Variants in WWOX observed in about 807,000 individuals in gnomAD.
The protein encoded by WWOX is WW domain-containing oxidoreductase.
A neutral mutation model predicts 46.2 loss-of-function variants in WWOX; 69 were observed. That is an observed-to-expected ratio of 1.49 (90% CI 1.23 to 1.82). WWOX has a LOEUF of 1.82. WWOX is among the 40% of genes most tolerant of loss of function. The pLI is 0.00. For missense variants in WWOX, 919 were observed against 542.6 expected (o/e 1.69, Z -6.89); for synonymous variants, 359 against 202.6 (o/e 1.77, Z -6.56).
At chr16:79,165,767 T>A (rs928650001) in intron 8 of WWOX, among the ~76,000 whole-genome samples, 2 of 152,206 alleles carry the variant, frequency 1.3e-5, no homozygotes, top group Non-Finnish European at 2.9e-5. Flanking sequence ...AGTCAAAGCA[T>A]TACTTTGTCA....
intron 8 of WWOX, among the ~76,000 whole-genome samples, chr16:78,717,135 A>T (rs968516461): frequency 6.6e-6 from 1 of 152,202 alleles, no homozygotes; most frequent in Non-Finnish European, 1.5e-5. Flanking sequence ...CTGAGAACAG[A>T]GGTGCTCTGT....
chr16:78,126,606 G>A (rs2033372199), intron 4 of WWOX, among the ~76,000 whole-genome samples: 1 of 152,088 alleles, frequency 6.6e-6, no homozygotes, highest in South Asian at 2.1e-4. Context: ...AATTTATAAA[G>A]TGTCTATTAC....
intron 8 of WWOX, among the ~76,000 whole-genome samples, chr16:78,704,233 C>G (rs1348148927): frequency 2.0e-5 from 3 of 152,124 alleles, no homozygotes; most frequent in East Asian, 3.9e-4. Context: ...ACAGTGCAAC[C>G]TACCTTAGCA....
intron 8 of WWOX, among the ~76,000 whole-genome samples, chr16:78,518,668 A>AT (rs371120868): frequency 3.3e-5 from 5 of 152,318 alleles, no homozygotes; most frequent in African/African-American, 1.2e-4. Context: ...TTTTTATTGA[A>AT]TGCCGATTGT....
At chr16:78,398,367 C>T (rs541556258) in intron 6 of WWOX, among the ~76,000 whole-genome samples, 3 of 152,244 alleles carry the variant, frequency 2.0e-5, no homozygotes, top group East Asian at 1.9e-4. Context: ...TTGTGTGGCT[C>T]CTCTCCCACT....
At chr16:78,732,177 C>T (rs79877672) in intron 8 of WWOX, among the ~76,000 whole-genome samples, 372 of 152,086 alleles carry the variant, frequency 2.4e-3, no homozygotes, top group African/African-American at 8.7e-3. Context: ...GAATCTGGGC[C>T]ACCTTTACTG....
chr16:78,386,852 C>A lies in WWOX; in HGVS notation c.517-8C>A. ...TTTATCATTTCTTTTTATTTTCTCT[C>A]ATTGCAGCATAAAGCCAAGGTAGAA... On this transcript the variant is annotated splice_polypyrimidine_tract_variant and splice_region_variant and intron_variant, in intron 5 of 8. Transcript: ENST00000566780. 2 of 1,611,810 alleles carry A rather than the reference C, an allele frequency of 1.2e-6. No homozygotes were observed. Among genetic ancestry groups the A allele is most frequent in the East Asian group, 2.2e-5 (1 of 44,884 alleles).
At chr16:78,535,689 T>G (rs919537434) in intron 8 of WWOX, 3 of 152,378 alleles carry the variant, frequency 2.0e-5, no homozygotes, top group East Asian at 1.9e-4. Context: ...TAATCTCGTC[T>G]TCTTTGTTAC....
intron 8 of WWOX, among the ~76,000 whole-genome samples, chr16:78,641,432 C>A (rs150816363): frequency 6.6e-6 from 1 of 152,030 alleles, no homozygotes; most frequent in African/African-American, 2.4e-5. Context: ...AATAAACTGG[C>A]GAGTCAGAAA....
intron 5 of WWOX, among the ~76,000 whole-genome samples, chr16:78,209,846 A>C: frequency 6.6e-6 from 1 of 152,292 alleles, no homozygotes; most frequent in East Asian, 1.9e-4. Context: ...TGTCTTTCCA[A>C]GGGTAAGACC....
At chr16:78,654,055 G>A (rs559644552) in intron 8 of WWOX, among the ~76,000 whole-genome samples, 3 of 152,278 alleles carry the variant, frequency 2.0e-5, no homozygotes, top group East Asian at 3.9e-4. Flanking sequence ...TTCTGAAGTC[G>A]TCATATTGCT....
chr16:78,312,389 T>TTTTTTTTG (rs1415265746), intron 5 of WWOX, among the ~76,000 whole-genome samples: 1 of 150,762 alleles, frequency 6.6e-6, no homozygotes, highest in African/African-American at 2.4e-5. Context: ...TTCTTTTTTT[T>TTTTTTTTG]TTTTTAAGAC....
chr16:78,154,460 A>T (rs1391092555), intron 4 of WWOX, among the ~76,000 whole-genome samples: 1 of 144,160 alleles, frequency 6.9e-6, no homozygotes, highest in Non-Finnish European at 1.5e-5. Context: ...ATTTATTTAC[A>T]CAGAGTTGCT....
At chr16:78,549,319 A>C (rs1481348989) in intron 8 of WWOX, among the ~76,000 whole-genome samples, 1 of 152,218 alleles carries the variant, frequency 6.6e-6, no homozygotes, top group Non-Finnish European at 1.5e-5. Context: ...GGAGCGTTCA[A>C]CCTGATTGAA....
chr16:78,721,832 T>A (rs1230202537), intron 8 of WWOX, among the ~76,000 whole-genome samples: 1 of 152,204 alleles, frequency 6.6e-6, no homozygotes, highest in South Asian at 2.1e-4. Context: ...GAGGCCCAAC[T>A]TTTTGTCCAT....
intron 8 of WWOX, among the ~76,000 whole-genome samples, chr16:78,997,473 C>T (rs925161574): frequency 6.6e-6 from 1 of 152,178 alleles, no homozygotes; most frequent in Non-Finnish European, 1.5e-5. Flanking sequence ...TCCCTTTTCT[C>T]TGGGCTTTCT....
chr16:78,502,202 C>T (rs1357890188), intron 8 of WWOX, among the ~76,000 whole-genome samples: 2 of 152,266 alleles, frequency 1.3e-5, no homozygotes, highest in Admixed American at 1.3e-4. Flanking sequence ...ATATAATGTG[C>T]CTACCATATA....
chr16:78,638,204 A>G (rs1395428438), intron 8 of WWOX, among the ~76,000 whole-genome samples: 1 of 152,206 alleles, frequency 6.6e-6, no homozygotes, highest in Admixed American at 6.5e-5. Flanking sequence ...CTCGATTTGT[A>G]TTCCCATTTT....
intron 5 of WWOX, among the ~76,000 whole-genome samples, chr16:78,190,527 C>T (rs1459068962): frequency 2.6e-5 from 4 of 152,170 alleles, no homozygotes. Flanking sequence ...CCCCGACCGA[C>T]CCCATGATGG....
Sources: gnomAD v4.1 joint callset for allele counts (sites outside exome capture counted in the v4.1 genomes callset) on GRCh38, gnomAD v4.1.1 for gene constraint, MANE v1.5 for transcripts, NCBI Gene and HGNC (gene_info 2026-07-23, HGNC 2026-07-21) for gene names.